EYS: variants seen among roughly 807,000 people sequenced by gnomAD.
The protein encoded by EYS is protein eyes shut homolog.
Under a neutral mutation model 282.1 loss-of-function variants are expected in EYS, and 250 were observed. The observed-to-expected ratio is 0.89, with a 90% CI of 0.80 to 0.98. EYS has a LOEUF of 0.98. Ranked by LOEUF, EYS falls within the 50% of genes least tolerant of loss-of-function variation. EYS has a pLI of 0.00. For synonymous variants in EYS, 1,355 were observed against 1,282.9 expected, an observed-to-expected ratio of 1.06 and a Z score of -1.20; for missense variants, 4,016 against 3,709.0, an observed-to-expected ratio of 1.08 and a Z score of -2.15.
At chr6:64,067,223 C>G (rs963449906) in intron 32 of EYS, among the ~76,000 whole-genome samples, 2 of 152,092 alleles carry the variant, frequency 1.3e-5, no homozygotes, top group African/African-American at 4.8e-5. Flanking sequence ...ATGGATCTCT[C>G]TTTTTAACTT....
At chr6:65,573,147 C>G (rs114717404) in intron 2 of EYS, among the ~76,000 whole-genome samples, 1,669 of 152,196 alleles carry the variant, frequency 0.011, 32 homozygotes, top group African/African-American at 0.038. Context: ...GCTCTCATCT[C>G]CCCCTCAGAA....
At chr6:64,252,956 C>T (rs1226835166) in intron 30 of EYS, among the ~76,000 whole-genome samples, 1 of 152,090 alleles carries the variant, frequency 6.6e-6, no homozygotes. Context: ...ACAGTGATGG[C>T]ATTCAATAGT....
chr6:64,771,841 G>C (rs1048141573), intron 22 of EYS, among the ~76,000 whole-genome samples: 2 of 151,712 alleles, frequency 1.3e-5, no homozygotes, highest in Admixed American at 1.3e-4. Context: ...TGTATGCAAT[G>C]TTCTAAATGT....
chr6:64,310,599 G>A (rs1288623877), intron 29 of EYS, among the ~76,000 whole-genome samples: 1 of 152,178 alleles, frequency 6.6e-6, no homozygotes, highest in Admixed American at 6.5e-5. Flanking sequence ...GTAGAGGGTG[G>A]AAGAAGGGAG....
chr6:65,161,619 C>A (rs1204136189), intron 12 of EYS, among the ~76,000 whole-genome samples: 1 of 150,918 alleles, frequency 6.6e-6, no homozygotes, highest in Admixed American at 6.6e-5. Context: ...TTTCTATTAC[C>A]AAATTCTAAA....
intron 11 of EYS, among the ~76,000 whole-genome samples, chr6:65,310,897 T>C (rs1769138677): frequency 6.6e-6 from 1 of 151,334 alleles, no homozygotes; most frequent in South Asian, 2.1e-4. Context: ...ACTGAAATTT[T>C]ATTATTATTA....
intron 28 of EYS, among the ~76,000 whole-genome samples, chr6:64,415,166 C>T (rs1384989931): frequency 6.6e-6 from 1 of 152,194 alleles, no homozygotes; most frequent in African/African-American, 2.4e-5. Flanking sequence ...AACAACTACA[C>T]TAAATGGATT....
chr6:63,731,997 G>A (rs1463785368), intron 41 of EYS, among the ~76,000 whole-genome samples: 1 of 152,106 alleles, frequency 6.6e-6, no homozygotes, highest in African/African-American at 2.4e-5. Context: ...GAAGAGTTCA[G>A]TCAACAACAG....
At chr6:64,298,359 G>A (rs1582557965) in intron 30 of EYS, among the ~76,000 whole-genome samples, 1 of 149,424 alleles carries the variant, frequency 6.7e-6, no homozygotes, top group African/African-American at 2.5e-5. Context: ...GTTGGGGGGG[G>A]CACACAATGT....
intron 28 of EYS, among the ~76,000 whole-genome samples, chr6:64,417,846 T>C (rs1582727441): frequency 6.6e-6 from 1 of 152,074 alleles, no homozygotes; most frequent in East Asian, 1.9e-4. Flanking sequence ...AATTGTTTTG[T>C]ATCTTTAGTG....
chr6:64,448,304 G>T (rs537944641), intron 26 of EYS, among the ~76,000 whole-genome samples: 7 of 152,222 alleles, frequency 4.6e-5, no homozygotes, highest in African/African-American at 1.2e-4. Flanking sequence ...CAGTGAGCCT[G>T]GGGGAGGGGC....
At chr6:65,391,632 C>G (rs1196023812) in intron 7 of EYS, among the ~76,000 whole-genome samples, 1 of 151,970 alleles carries the variant, frequency 6.6e-6, no homozygotes, top group Non-Finnish European at 1.5e-5. Flanking sequence ...AGGACCTCTT[C>G]AAGGAGAACT....
rs1247255008 is a variant in EYS at position 64,344,192 on chromosome 6, C to T, written c.6079-37110G>A. On this transcript the variant is annotated intron_variant, in intron 29 of 42. Transcript: ENST00000503581. ...AATCAATAGAAAAAGAGGGAATCCT[C>T]CCTAACTCATTTCATGAGGCCAGCA... 2.0e-5 allele frequency among the ~76,000 whole-genome samples: 3 copies of T among 152,134 alleles called. No homozygotes were observed. In the South Asian group the frequency reaches 6.2e-4, roughly 32 times the overall value.
intron 32 of EYS, among the ~76,000 whole-genome samples, chr6:64,069,716 G>C (rs1771504430): frequency 6.6e-6 from 1 of 151,626 alleles, no homozygotes; most frequent in Admixed American, 6.6e-5. Context: ...TGAAATGAGT[G>C]GTTCTCAAAC....
At chr6:64,642,121 A>C (rs910393882) in intron 22 of EYS, among the ~76,000 whole-genome samples, 1 of 152,192 alleles carries the variant, frequency 6.6e-6, no homozygotes, top group African/African-American at 2.4e-5. Context: ...TGCTGAAAGA[A>C]ATCTGGAATC....
At chr6:64,043,432 G>T (rs753306449) in intron 33 of EYS, among the ~76,000 whole-genome samples, 1 of 152,240 alleles carries the variant, frequency 6.6e-6, no homozygotes, top group Non-Finnish European at 1.5e-5. Flanking sequence ...CGCAGGTCAT[G>T]AGGAGCCAGG....
At chr6:64,251,450 A>G (rs936100208) in intron 30 of EYS, among the ~76,000 whole-genome samples, 2 of 152,126 alleles carry the variant, frequency 1.3e-5, no homozygotes, top group Non-Finnish European at 2.9e-5. Flanking sequence ...GTATTAAAGT[A>G]CCTTCAGGAA....
rs757560982 is a variant in EYS at position 65,335,113 on chromosome 6, C to T, written c.1633G>A (p.Glu545Lys). The T allele has an allele frequency of 1.2e-6, 2 of 1,611,742 alleles. No homozygotes were observed. The highest frequency in any genetic ancestry group is 1.1e-5 in the South Asian group (1 of 91,052). ...CANGCSCLSE[E>K]DSQEYRYLCF... ...AGATACCGATATTCCTGACTGTCTTCTTCACTCAAACAACTGCATCCATTT... is the reference window on the plus strand; with the variant it reads ...AGATACCGATATTCCTGACTGTCTTTTTCACTCAAACAACTGCATCCATTT... The change falls in exon 11 of 43, where the codon GAA (glutamate) becomes AAA (lysine). Residue 545 changes from glutamate to lysine, a missense_variant. By Grantham distance (56) the Glu-to-Lys change is moderately conservative. Coordinates refer to ENST00000503581, the MANE Select transcript of EYS (RefSeq NM_001142800.2).
Position 63,984,431 on chromosome 6 carries a change from A to T in EYS, c.7007T>A (p.Val2336Asp), listed in dbSNP as rs1767256405. The T allele has an allele frequency of 1.3e-6, 2 of 1,549,580 alleles. No individual in the cohort carries two copies. The highest frequency in any genetic ancestry group is 2.4e-5 in the East Asian group (1 of 40,858). Reference protein sequence around the residue: ...RHGKNIENCHVPWCAHHLCRN... With the variant: ...RHGKNIENCHDPWCAHHLCRN... ...GCACAGATGATGAGCACACCAAGGGACGTGGCAGTTCTCAATATTCTTTCC... is the reference window on the plus strand; with the variant it reads ...GCACAGATGATGAGCACACCAAGGGTCGTGGCAGTTCTCAATATTCTTTCC... Residue 2336 changes from valine to aspartate, a missense_variant, in exon 35 of 43, where the codon GTC becomes GAC. Coordinates refer to ENST00000503581, the MANE Select transcript of EYS (RefSeq NM_001142800.2).
Sources: allele counts gnomAD v4.1 joint callset (sites outside exome capture counted in the v4.1 genomes callset), GRCh38; gene constraint gnomAD v4.1.1; transcripts MANE v1.5; gene names NCBI Gene and HGNC (gene_info 2026-07-23, HGNC 2026-07-21).